Variants in DNAJC1 observed in about 807,000 individuals in gnomAD.
DNAJC1 encodes dnaJ homolog subfamily C member 1.
In DNAJC1, 58 loss-of-function variants were observed where a neutral mutation model predicts 76.6. That is an observed-to-expected ratio of 0.76 (90% CI 0.61 to 0.94). The LOEUF (loss-of-function observed/expected upper bound fraction) is 0.94. Ranked by LOEUF, DNAJC1 falls within the 40% of genes least tolerant of loss-of-function variation. The probability of loss-of-function intolerance (pLI) is 0.00; values close to 1 mark genes in which losing one functional copy is unlikely to be tolerated. For missense variants in DNAJC1, 689 were observed against 677.3 expected, an observed-to-expected ratio of 1.02 and a Z score of -0.19; for synonymous variants, 258 against 267.9, an observed-to-expected ratio of 0.96 and a Z score of 0.36.
chr10:21,795,535 G>A (rs528045631), intron 9 of DNAJC1, among the ~76,000 whole-genome samples: 17 of 152,258 alleles, frequency 1.1e-4, no homozygotes, highest in African/African-American at 3.6e-4. Flanking sequence ...GATCAGTGTA[G>A]CCTGAGAGAA....
intron 8 of DNAJC1, among the ~76,000 whole-genome samples, chr10:21,848,401 CT>C (rs1250264137): frequency 2.6e-5 from 4 of 152,174 alleles, no homozygotes; most frequent in Admixed American, 6.5e-5. Context: ...CATAGGCTGT[CT>C]CTTTGTTGCT....
intron 3 of DNAJC1, among the ~76,000 whole-genome samples, chr10:21,922,561 T>C (rs1053775830): frequency 6.6e-6 from 1 of 152,046 alleles, no homozygotes; most frequent in Non-Finnish European, 1.5e-5. Flanking sequence ...ATCGAAATTC[T>C]TGAATATTAA....
chr10:21,920,356 GTAA>G (rs1194618590), intron 4 of DNAJC1, among the ~76,000 whole-genome samples: 1 of 151,928 alleles, frequency 6.6e-6, no homozygotes, highest in African/African-American at 2.4e-5. Flanking sequence ...CAAGAAAAGT[GTAA>G]TAATTTTTTT....
chr10:21,955,720 A>C (rs1021109985), intron 1 of DNAJC1, among the ~76,000 whole-genome samples: 20 of 152,174 alleles, frequency 1.3e-4, no homozygotes, highest in Admixed American at 1.1e-3. Flanking sequence ...TTTTTTACTA[A>C]GTTTTTTAAA....
At chr10:21,852,179 G>C (rs1194718249) in intron 8 of DNAJC1, among the ~76,000 whole-genome samples, 1 of 151,662 alleles carries the variant, frequency 6.6e-6, no homozygotes, top group Non-Finnish European at 1.5e-5. Context: ...GCTACAAAGT[G>C]GATGACCATC....
intron 1 of DNAJC1, among the ~76,000 whole-genome samples, chr10:21,981,094 G>GCA (rs1454410334): frequency 6.6e-6 from 1 of 152,126 alleles, no homozygotes; most frequent in East Asian, 1.9e-4. Context: ...AAAAGCAGAT[G>GCA]CATAATGCTG....
chr10:21,894,790 A>G (rs1836514353), intron 7 of DNAJC1, among the ~76,000 whole-genome samples: 1 of 152,208 alleles, frequency 6.6e-6, no homozygotes, highest in Non-Finnish European at 1.5e-5. Context: ...CATAAACAGG[A>G]TTAAAGCCCT....
chr10:21,817,158 T>TC (rs1835090717), intron 8 of DNAJC1, among the ~76,000 whole-genome samples: 2 of 20,506 alleles, frequency 9.8e-5, no homozygotes, highest in African/African-American at 2.7e-4. Context: ...AGATTCCGTC[T>TC]CAAAAAAAAA....
At chr10:21,791,290 T>C (rs776625902) in intron 9 of DNAJC1, among the ~76,000 whole-genome samples, 4 of 152,218 alleles carry the variant, frequency 2.6e-5, no homozygotes, top group South Asian at 4.2e-4. Context: ...ACAACAACAG[T>C]TGGGAACTTT....
At chr10:21,864,600 C>T (rs570023913) in intron 8 of DNAJC1, among the ~76,000 whole-genome samples, 14 of 146,504 alleles carry the variant, frequency 9.6e-5, no homozygotes, top group African/African-American at 3.1e-4. Flanking sequence ...CCAGCCTGGG[C>T]GACAGAGTGA....
At chr10:21,803,755 T>C (rs1392465404) in intron 9 of DNAJC1, 1 of 818,246 alleles carries the variant, frequency 1.2e-6, no homozygotes, top group Non-Finnish European at 1.5e-6. Context: ...TATATTGACA[T>C]AGAAGAAAAG....
At chr10:21,913,290 TG>T (rs1489048186) in intron 6 of DNAJC1, among the ~76,000 whole-genome samples, 1 of 152,062 alleles carries the variant, frequency 6.6e-6, no homozygotes, top group Non-Finnish European at 1.5e-5. Context: ...GAGAGAAACT[TG>T]AATGGTGAAT....
chr10:21,985,971 T>C (rs1006939827), intron 1 of DNAJC1, among the ~76,000 whole-genome samples: 1 of 152,126 alleles, frequency 6.6e-6, no homozygotes, highest in African/African-American at 2.4e-5. Context: ...CTCACGCCTG[T>C]AATCCCAGCA....
At chr10:21,929,010 A>AATAT (rs200995114) in intron 2 of DNAJC1, 30 bp downstream of exon 2, 10 of 1,364,308 alleles carry the variant, frequency 7.3e-6, no homozygotes, top group Non-Finnish European at 9.1e-6. Context: ...TTTGTCACAA[A>AATAT]ATATATATAT....
At chr10:21,916,500 A>C (rs1485874584) in intron 6 of DNAJC1, among the ~76,000 whole-genome samples, 3 of 152,158 alleles carry the variant, frequency 2.0e-5, no homozygotes, top group Non-Finnish European at 4.4e-5. Flanking sequence ...AAAAAAAGAA[A>C]ATAAAAATAA....
intron 8 of DNAJC1, among the ~76,000 whole-genome samples, chr10:21,853,079 C>G (rs1037844706): frequency 1.3e-5 from 2 of 152,190 alleles, no homozygotes; most frequent in African/African-American, 4.8e-5. Context: ...TTCCTTCCAG[C>G]TAAAAATCCA....
chr10:21,858,346 C>T lies in DNAJC1; in HGVS notation c.978+23936G>A, dbSNP rs916541831. Among the ~76,000 whole-genome samples the T allele has an allele frequency of 2.0e-5, 3 of 152,124 alleles. No individual in the cohort carries two copies. The South Asian group carries it at 6.2e-4, about 32-fold the overall frequency. On this transcript the variant is annotated intron_variant, in intron 8 of 11. Transcript: ENST00000376980. ...AGAATATAACCAAGTATCTTTCAAA[C>T]TAAACAAGTTTTCTATTTTGAAAAG...
At chr10:21,852,052 C>CA (rs1002951028) in intron 8 of DNAJC1, among the ~76,000 whole-genome samples, 28 of 143,286 alleles carry the variant, frequency 2.0e-4, no homozygotes, top group Non-Finnish European at 3.2e-4. Flanking sequence ...GACTCTGTCT[C>CA]AAAAAAAATA....
At chr10:21,766,204 G>T (rs1461716407) in intron 10 of DNAJC1, 57 bp downstream of exon 10, 2 of 1,224,070 alleles carry the variant, frequency 1.6e-6, no homozygotes, top group Admixed American at 3.7e-5. Context: ...TTATAAAAAG[G>T]GATTAATTTA....
Sources: gnomAD v4.1 joint callset for allele counts (sites outside exome capture counted in the v4.1 genomes callset) on GRCh38, gnomAD v4.1.1 for gene constraint, MANE v1.5 for transcripts, NCBI Gene and HGNC (gene_info 2026-07-23, HGNC 2026-07-21) for gene names.